HCFC2: variants seen among roughly 807,000 people sequenced by gnomAD.
HCFC2 encodes host cell factor 2.
A neutral mutation model predicts 89.2 loss-of-function variants in HCFC2; 18 were observed. That is an observed-to-expected ratio of 0.20 (90% confidence interval 0.14 to 0.30). The LOEUF (loss-of-function observed/expected upper bound fraction) is 0.30, where lower values mean the gene tolerates loss of function less well. Ranked by LOEUF, HCFC2 falls within the 10% of genes least tolerant of loss-of-function variation. HCFC2 has a pLI of 1.00. For synonymous variants in HCFC2, 308 were observed against 335.7 expected, an observed-to-expected ratio of 0.92 and a Z score of 0.90; for missense variants, 578 against 956.1, an observed-to-expected ratio of 0.60 and a Z score of 5.21.
rs1269423677 is a variant in HCFC2 at position 104,094,863 on chromosome 12, T to C, written c.1463-497T>C. ...GAAAACCCTGAAGAGAGAGGAATGA[T>C]TGATGAGGGTCCCAACATATAGGGG... On this transcript the variant is annotated intron_variant, in intron 10 of 14. Transcript: ENST00000229330. Among the ~76,000 whole-genome samples the C allele has an allele frequency of 2.0e-5, 3 of 152,056 alleles. No individual in the cohort carries two copies. In the East Asian group the frequency reaches 5.8e-4, roughly 29 times the overall value.
At chr12:104,066,072 G>A in intron 1 of HCFC2, 95 bp from the exon 2 acceptor site, 3 of 1,251,786 alleles carry the variant, frequency 2.4e-6, no homozygotes, top group Non-Finnish European at 3.5e-6. Context: ...ATCATCCCCA[G>A]TTGAGACCCA....
At chr12:104,098,706 A>G (rs914723046) in intron 13 of HCFC2, among the ~76,000 whole-genome samples, 2 of 152,228 alleles carry the variant, frequency 1.3e-5, no homozygotes, top group Admixed American at 1.3e-4. Context: ...GCTGTAAAGA[A>G]ATACCTGAGA....
intron 12 of HCFC2, 117 bp from the exon 13 acceptor site, chr12:104,098,226 A>G: frequency 1.4e-6 from 1 of 700,186 alleles, no homozygotes. Context: ...TGAGTTGTTA[A>G]TGTTGTGGTG....
intron 10 of HCFC2, among the ~76,000 whole-genome samples, chr12:104,094,581 G>T (rs563463954): frequency 1.1e-4 from 16 of 152,268 alleles, no homozygotes; most frequent in South Asian, 6.2e-4. Flanking sequence ...TGTTTACAGT[G>T]CAGAAAAGTC....
intron 3 of HCFC2, among the ~76,000 whole-genome samples, chr12:104,071,371 A>C (rs1883321558): frequency 6.6e-6 from 1 of 152,154 alleles, no homozygotes; most frequent in East Asian, 1.9e-4. Flanking sequence ...AGGGTATTCT[A>C]CTTCAGAGGG....
intron 3 of HCFC2, among the ~76,000 whole-genome samples, chr12:104,070,757 A>G (rs1350486866): frequency 1.3e-5 from 2 of 152,152 alleles, no homozygotes; most frequent in South Asian, 2.1e-4. Context: ...AACTACAGAA[A>G]AGGAAAAAAA....
chr12:104,084,154 G>A (rs1038502537), intron 7 of HCFC2, among the ~76,000 whole-genome samples: 9 of 152,278 alleles, frequency 5.9e-5, no homozygotes, highest in African/African-American at 1.9e-4. Flanking sequence ...ATATAGCAGC[G>A]AACAAGACTG....
chr12:104,089,143 C>A (rs183992272), intron 9 of HCFC2, among the ~76,000 whole-genome samples: 1 of 152,194 alleles, frequency 6.6e-6, no homozygotes, highest in East Asian at 1.9e-4. Flanking sequence ...TTGCATCCTG[C>A]GAATACTGTA....
chr12:104,095,095 CT>C lies in HCFC2; in HGVS notation c.1463-264del, dbSNP rs1214518277. 1.3e-5 allele frequency among the ~76,000 whole-genome samples: 2 copies of C among 149,320 alleles called. No individual in the cohort carries two copies. Among genetic ancestry groups the C allele is most frequent in the East Asian group, 4.0e-4 (2 of 4,980 alleles). On this transcript the variant is annotated intron_variant, in intron 10 of 14. Coordinates refer to ENST00000229330, the MANE Select transcript of HCFC2 (RefSeq NM_013320.3). The surrounding 1 kb of genome is among the most constrained non-coding windows in gnomAD (Gnocchi z 4.2). ...GAAATGAAGGGCAGAGCCATTTGAT[CT>C]ATGATTTAGTGGAAAGTCAAGAACA...
In HCFC2 at chr12:104,068,906, A is replaced by G. The variant is rs886745316; in HGVS notation, c.473+799A>G. Reference sequence around the variant, plus strand: ...GTGTAAATTTAAGGTATATAACATGATGGTATAAGATAGATATTTTGTATA... The same window carrying G: ...GTGTAAATTTAAGGTATATAACATGGTGGTATAAGATAGATATTTTGTATA... On this transcript the variant is annotated intron_variant, in intron 3 of 14. Coordinates refer to ENST00000229330, the MANE Select transcript of HCFC2 (RefSeq NM_013320.3). This position sits in a 1 kb window ranked among gnomAD's most constrained non-coding sequence, Gnocchi z 4.1. Among the ~76,000 whole-genome samples, 7 of 151,866 alleles carry G rather than the reference A, an allele frequency of 4.6e-5. No homozygotes were observed. The highest frequency in any genetic ancestry group is 1.7e-4 in the African/African-American group (7 of 41,314).
chr12:104,071,232 A>G (rs1327381147), intron 3 of HCFC2, among the ~76,000 whole-genome samples: 3 of 152,262 alleles, frequency 2.0e-5, no homozygotes, highest in African/African-American at 7.2e-5. Flanking sequence ...ATCCCCCAAC[A>G]TAGGCAAATA....
intron 12 of HCFC2, chr12:104,097,608 A>G: frequency 1.1e-6 from 1 of 936,352 alleles, no homozygotes; most frequent in African/African-American, 1.8e-5. Flanking sequence ...TTATATATTT[A>G]AGACAGAAAT....
chr12:104,091,719 C>G (rs548166382), intron 9 of HCFC2, among the ~76,000 whole-genome samples: 12 of 152,230 alleles, frequency 7.9e-5, no homozygotes, highest in African/African-American at 2.2e-4. Context: ...AAACCAAATT[C>G]GAATTCTAGC....
intron 6 of HCFC2, 43 bp from the exon 7 acceptor site, chr12:104,082,670 G>A: frequency 6.3e-7 from 1 of 1,586,890 alleles, no homozygotes; most frequent in Non-Finnish European, 8.6e-7. Flanking sequence ...TTGTAATTTT[G>A]TTAAGAACAA....
chr12:104,093,577 A>G lies in HCFC2; in HGVS notation c.1462+14A>G. 1.3e-6 allele frequency: 2 copies of G among 1,574,422 alleles called. No individual in the cohort carries two copies. Among genetic ancestry groups the G allele is most frequent in the Middle Eastern group, 1.7e-4 (1 of 5,972 alleles). On this transcript the variant is annotated intron_variant, in intron 10 of 14. Coordinates refer to ENST00000229330, the MANE Select transcript of HCFC2 (RefSeq NM_013320.3). ...GGAAAAATGAAGGTATATGGATGAC[A>G]TTTTAAACTAAAGCTTTTTATAAAA...
chr12:104,069,085 C>A (rs746779703), intron 3 of HCFC2, among the ~76,000 whole-genome samples: 33 of 152,016 alleles, frequency 2.2e-4, no homozygotes, highest in Non-Finnish European at 4.1e-4. Context: ...GTGGGTGGAT[C>A]GCTTGAGCCC....
chr12:104,088,426 T>G (rs1262447943), intron 9 of HCFC2, among the ~76,000 whole-genome samples: 2 of 152,272 alleles, frequency 1.3e-5, no homozygotes, highest in East Asian at 3.8e-4. Context: ...CATCTAAAGA[T>G]GTACTTTAAA....
intron 9 of HCFC2, among the ~76,000 whole-genome samples, chr12:104,088,903 A>C (rs890277403): frequency 3.9e-5 from 6 of 152,192 alleles, no homozygotes; most frequent in Admixed American, 2.6e-4. Context: ...GATGAAGAGC[A>C]GTAGTTTCCT....
chr12:104,095,007 G>T lies in HCFC2; in HGVS notation c.1463-353G>T, dbSNP rs1033977428. Among the ~76,000 whole-genome samples, 3 of 152,122 alleles carry T rather than the reference G, an allele frequency of 2.0e-5. No individual in the cohort carries two copies. Among genetic ancestry groups the T allele is most frequent in the African/African-American group, 7.2e-5 (3 of 41,444 alleles). The stretch of plus-strand genomic sequence containing the variant: ...ACAATTATTAGTACAATTCTAGTTT[G>T]CAGCCAGAGAAGGCAGAAAATTGAG... On this transcript the variant is annotated intron_variant, in intron 10 of 14. Coordinates refer to ENST00000229330, the MANE Select transcript of HCFC2 (RefSeq NM_013320.3). This position sits in a 1 kb window ranked among gnomAD's most constrained non-coding sequence, Gnocchi z 4.2.
Sources: allele counts gnomAD v4.1 joint callset (sites outside exome capture counted in the v4.1 genomes callset), GRCh38; gene constraint gnomAD v4.1.1; non-coding constraint Gnocchi (gnomAD v3.1); transcripts MANE v1.5; gene names NCBI Gene and HGNC (gene_info 2026-07-23, HGNC 2026-07-21).